The following GALR1 variants were observed in gnomAD, a reference collection of about 807,000 sequenced individuals.
GALR1 encodes the protein galanin receptor type 1.
A neutral mutation model predicts 17.9 loss-of-function variants in GALR1; 11 were observed. The observed-to-expected ratio is 0.62, with a 90% CI of 0.39 to 1.02. GALR1 has a LOEUF of 1.02. GALR1 is among the 50% of genes least tolerant of loss of function. The probability of loss-of-function intolerance (pLI) is 0.01; values close to 1 mark genes in which losing one functional copy is unlikely to be tolerated. For missense variants in GALR1, 441 were observed against 456.9 expected, an observed-to-expected ratio of 0.97 and a Z score of 0.32; for synonymous variants, 206 against 205.7, an observed-to-expected ratio of 1.00 and a Z score of -0.01.
intron 2 of GALR1, among the ~76,000 whole-genome samples, chr18:77,263,946 C>A (rs1912887525): frequency 1.3e-5 from 2 of 151,796 alleles, no homozygotes; most frequent in South Asian, 4.2e-4. Flanking sequence ...ACTAGCCTGA[C>A]CAATATGGTG....
At position 77,251,591 on chromosome 18, in the gene GALR1, C is replaced by T. The variant is rs74477406; in HGVS notation, c.666+377C>T. ...GCATCCTTCCCGGTACAGCAAACCC[C>T]GCTCGGTTCCAGCAACTCTTCAACC... On this transcript the variant is annotated intron_variant, in intron 1 of 2. Coordinates refer to ENST00000299727, the MANE Select transcript of GALR1 (RefSeq NM_001480.4). Among the ~76,000 whole-genome samples, 1,019 of 152,356 alleles carry T rather than the reference C, an allele frequency of 6.7e-3. 21 individuals are homozygous for T. Among genetic ancestry groups the T allele is most frequent in the African/African-American group, 0.023 (974 of 41,594 alleles).
chr18:77,251,288 C>A, intron 1 of GALR1, 74 bp downstream of exon 1: 1 of 1,520,496 alleles, frequency 6.6e-7, no homozygotes, highest in Non-Finnish European at 8.8e-7. Context: ...GTCTCAGTGT[C>A]CCGCGGCCCT....
rs1376872118 is a variant in GALR1 at position 77,250,176 on chromosome 18, G to A, written c.-373G>A. On this transcript the variant is annotated 5_prime_UTR_variant, in exon 1 of 3. Coordinates refer to ENST00000299727, the MANE Select transcript of GALR1 (RefSeq NM_001480.4). ...GCCGGCGAAGATCTGGAGCGGTAAG[G>A]CGGAGAGAAGGGTCTTTCCACCTGC... Among the ~76,000 whole-genome samples the A allele has an allele frequency of 6.6e-6, 1 of 152,226 alleles. No individual in the cohort carries two copies. Among genetic ancestry groups the A allele is most frequent in the East Asian group, 1.9e-4 (1 of 5,176 alleles).
chr18:77,250,711 A>G lies in GALR1; in HGVS notation c.163A>G (p.Ile55Val), dbSNP rs1912384545. Reference sequence around the variant, plus strand: ...GGGTGTGCTGGGCAACAGCCTAGTGATCACCGTGCTGGCGCGCAGCAAGCC... The same window carrying G: ...GGGTGTGCTGGGCAACAGCCTAGTGGTCACCGTGCTGGCGCGCAGCAAGCC... ...ALGVLGNSLV[I>V]TVLARSKPGK... The change falls in exon 1 of 3, where the codon ATC becomes GTC. Residue 55 changes from isoleucine (I) to valine (V), a missense_variant. Ile to Val is a conservative substitution (Grantham distance 29). Coordinates refer to ENST00000299727, the MANE Select transcript of GALR1 (RefSeq NM_001480.4). 6.2e-7 allele frequency: 1 copy of G among 1,613,516 alleles called. No homozygotes were observed. The highest frequency in any genetic ancestry group is 1.3e-5 in the African/African-American group (1 of 75,002).
chr18:77,254,925 C>G (rs9965432), intron 1 of GALR1, among the ~76,000 whole-genome samples: 15,555 of 152,172 alleles, frequency 0.1, 1,536 homozygotes, highest in African/African-American at 0.25. Context: ...ATTCACGTCC[C>G]TGGGGTGGCT....
rs1329739871 is a variant in GALR1 at position 77,250,253 on chromosome 18, G to A, written c.-296G>A. ...CCCAGGCTCCGTGGTCGCGCAGCGG[G>A]CGGAGGCGCCCGGGAAGGGGACCCC... is the stretch of plus-strand genomic sequence containing the variant. On this transcript the variant is annotated 5_prime_UTR_variant, in exon 1 of 3. Coordinates refer to ENST00000299727, the MANE Select transcript of GALR1 (RefSeq NM_001480.4). 6.6e-6 allele frequency among the ~76,000 whole-genome samples: 1 copy of A among 152,062 alleles called. No individual in the cohort carries two copies. Among genetic ancestry groups the A allele is most frequent in the Non-Finnish European group, 1.5e-5 (1 of 67,974 alleles).
intron 2 of GALR1, among the ~76,000 whole-genome samples, chr18:77,259,643 A>C (rs561209380): frequency 2.2e-5 from 3 of 135,384 alleles, no homozygotes; most frequent in Admixed American, 7.6e-5. Context: ...GGTGGTGGTG[A>C]CAGTGGTGGC....
chr18:77,255,886 C>T (rs961796556), intron 1 of GALR1, among the ~76,000 whole-genome samples: 1 of 152,196 alleles, frequency 6.6e-6, no homozygotes, highest in African/African-American at 2.4e-5. Flanking sequence ...AACCCCAGAG[C>T]TCCACGCCCT....
chr18:77,250,745 C>A lies in GALR1; in HGVS notation c.197C>A (p.Pro66Gln). The A allele has an allele frequency of 1.9e-6, 3 of 1,613,892 alleles. No homozygotes were observed. Among genetic ancestry groups the A allele is most frequent in the Non-Finnish European group, 2.5e-6 (3 of 1,179,994 alleles). Residue 66 changes from proline to glutamine, a missense_variant, in exon 1 of 3, where the codon CCG (proline) becomes CAG (glutamine). Transcript: ENST00000299727. ...TVLARSKPGK[P>Q]RSTTNLFILN... ...CTGGCGCGCAGCAAGCCGGGCAAGCCGCGGAGCACCACCAACCTGTTCATC... is the reference window on the plus strand; with the variant it reads ...CTGGCGCGCAGCAAGCCGGGCAAGCAGCGGAGCACCACCAACCTGTTCATC...
At position 77,250,602 on chromosome 18, in the gene GALR1, C is replaced by T. The variant is rs753457954; in HGVS notation, c.54C>T (p.Pro18=). 4 of 1,558,670 alleles carry T rather than the reference C, an allele frequency of 2.6e-6. No individual in the cohort carries two copies. In the East Asian group the frequency reaches 9.6e-5, roughly 37 times the overall value. Residue 18 remains proline (P), a synonymous_variant, in exon 1 of 3, where the codon CCC becomes CCT. Transcript: ENST00000299727. The part of the protein sequence containing the change: ...LSEGNASWPE[P]PAPEPGPLFG... ...AGGGCAACGCGAGCTGGCCGGAGCC[C>T]CCCGCCCCGGAGCCCGGGCCGCTGT... is the stretch of plus-strand genomic sequence containing the variant.
At chr18:77,258,612 ATGG>A (rs201879328) in intron 2 of GALR1, among the ~76,000 whole-genome samples, 32 of 86,594 alleles carry the variant, frequency 3.7e-4, no homozygotes, top group African/African-American at 1.2e-3. Flanking sequence ...CATGGTGGTG[ATGG>A]TGGTGGTGGT....
chr18:77,258,696 GT>G (rs1912677078), intron 2 of GALR1, among the ~76,000 whole-genome samples: 20 of 129,278 alleles, frequency 1.5e-4, no homozygotes, highest in South Asian at 5.3e-4. Flanking sequence ...GATGGTGGTG[GT>G]GGTCATGTGA....
At chr18:77,259,466 TGATGGTGGC>T (rs1405841762) in intron 2 of GALR1, among the ~76,000 whole-genome samples, 1 of 150,694 alleles carries the variant, frequency 6.6e-6, no homozygotes, top group African/African-American at 2.4e-5. Context: ...GTGATGGTGG[TGATGGTGGC>T]GATTGTGATG....
chr18:77,252,881 T>C (rs370547437), intron 1 of GALR1, among the ~76,000 whole-genome samples: 1,188 of 54,838 alleles, frequency 0.022, 6 homozygotes, highest in East Asian at 0.041. Flanking sequence ...ACCACCACCA[T>C]CACCACCACC....
chr18:77,268,146 C>T (rs2144967889), intron 2 of GALR1, among the ~76,000 whole-genome samples: 1 of 152,298 alleles, frequency 6.6e-6, no homozygotes. Context: ...TACACACCTG[C>T]TCATAGAAGT....
At chr18:77,253,013 C>CCAT (rs1912502403) in intron 1 of GALR1, among the ~76,000 whole-genome samples, 2 of 73,470 alleles carry the variant, frequency 2.7e-5, no homozygotes, top group Admixed American at 1.3e-4. Flanking sequence ...ACCACCACCA[C>CCAT]CACCACCACC....
At chr18:77,266,972 C>G (rs1459210907) in intron 2 of GALR1, among the ~76,000 whole-genome samples, 1 of 152,224 alleles carries the variant, frequency 6.6e-6, no homozygotes, top group Admixed American at 6.5e-5. Context: ...CAAGCATGCT[C>G]TAAAATATTA....
chr18:77,263,519 C>T (rs1190882858), intron 2 of GALR1, among the ~76,000 whole-genome samples: 1 of 152,106 alleles, frequency 6.6e-6, no homozygotes, highest in Non-Finnish European at 1.5e-5. Flanking sequence ...TATGGCATGG[C>T]CAGGTGGGAA....
rs1194716036 is a variant in GALR1, at chr18:77,272,936, C to A, written c.*4034C>A. 3.3e-5 allele frequency: 5 copies of A among 152,152 alleles called. No individual in the cohort carries two copies. Among genetic ancestry groups the A allele is most frequent in the Admixed American group, 6.5e-5 (1 of 15,278 alleles). The allele number at this position is 152,152 out of a possible 1,614,324, so 9.4% of individuals were successfully genotyped here. On this transcript the variant is annotated 3_prime_UTR_variant, in exon 3 of 3. Transcript: ENST00000299727. ...GAAGAATTTAAAATGCTTAAGACAT[C>A]TTTGATGGGGGCTGTATTTGCATTA... is the stretch of plus-strand genomic sequence containing the variant.
Sources: gnomAD v4.1 joint callset for allele counts (sites outside exome capture counted in the v4.1 genomes callset) on GRCh38, gnomAD v4.1.1 for gene constraint, MANE v1.5 for transcripts, NCBI Gene and HGNC (gene_info 2026-07-23, HGNC 2026-07-21) for gene names.